FAAH2: variants seen among roughly 807,000 people sequenced by gnomAD.
FAAH2 encodes the protein fatty acid amide hydrolase 2, also known as fatty-acid amide hydrolase 2.
In FAAH2, 60 loss-of-function variants were observed where a neutral mutation model predicts 36.9. The ratio of observed to expected loss-of-function variants is 1.63; its 90% confidence interval spans 1.32 to 2.02. The LOEUF is 2.02. Ranked by LOEUF, FAAH2 falls within the 30% of genes most tolerant of loss-of-function variation. The probability of loss-of-function intolerance (pLI) is 0.00; values close to 1 mark genes in which losing one functional copy is unlikely to be tolerated. For missense variants in FAAH2, 689 were observed against 397.5 expected (o/e 1.73, Z -6.23); for synonymous variants, 214 against 143.8 (o/e 1.49, Z -3.49).
the FAAH2 span, among the ~76,000 whole-genome samples, chrX:57,211,523 G>A: frequency 8.9e-6 from 1 of 111,808 alleles, no homozygotes; most frequent in African/African-American, 3.3e-5. Flanking sequence ...TGGGACACCT[G>A]AGTACTTCTA....
chrX:57,462,645 G>A (rs1160903295), intron 10 of FAAH2, among the ~76,000 whole-genome samples: 1 of 112,366 alleles, frequency 8.9e-6, no homozygotes, highest in Non-Finnish European at 1.9e-5. Flanking sequence ...ACTAGGTATT[G>A]ATGGAACATA....
At chrX:57,480,457 G>T (rs1411661023) in intron 10 of FAAH2, among the ~76,000 whole-genome samples, 1 of 111,831 alleles carries the variant, frequency 8.9e-6, no homozygotes, top group Admixed American at 9.5e-5. Context: ...CTCAGTATTT[G>T]TTTGTCTTTG....
At chrX:57,408,938 C>G in intron 7 of FAAH2, among the ~76,000 whole-genome samples, 1 of 110,773 alleles carries the variant, frequency 9.0e-6, no homozygotes, top group Non-Finnish European at 1.9e-5. Context: ...CATTGTTAGA[C>G]GATTTTGTTA....
At chrX:57,479,039 C>T (rs1239522608) in intron 10 of FAAH2, among the ~76,000 whole-genome samples, 1 of 111,266 alleles carries the variant, frequency 9.0e-6, no homozygotes, top group Non-Finnish European at 1.9e-5. Context: ...ACATTGGTAG[C>T]TTGATGGGGA....
At chrX:57,168,622 A>G in the FAAH2 span, among the ~76,000 whole-genome samples, 1 of 111,581 alleles carries the variant, frequency 9.0e-6, no homozygotes, top group Non-Finnish European at 1.9e-5. Context: ...TTAATTGTTC[A>G]ATTTCAATAT....
At chrX:57,446,541 A>T (rs1398246501) in intron 8 of FAAH2, among the ~76,000 whole-genome samples, 2 of 111,980 alleles carry the variant, frequency 1.8e-5, no homozygotes, top group Non-Finnish European at 3.8e-5. Flanking sequence ...CGTCATTCCT[A>T]AAAGAGACCT....
the FAAH2 span, among the ~76,000 whole-genome samples, chrX:57,191,937 T>C: frequency 8.9e-6 from 1 of 111,881 alleles, no homozygotes; most frequent in South Asian, 3.7e-4. Context: ...TTCTTTTTGC[T>C]TAGGATAGGC....
chrX:57,441,221 A>C (rs1187651470), intron 8 of FAAH2, among the ~76,000 whole-genome samples: 1 of 111,202 alleles, frequency 9.0e-6, no homozygotes, highest in Non-Finnish European at 1.9e-5. Context: ...TTCGGCTATG[A>C]ATCTGTCTGG....
intron 10 of FAAH2, among the ~76,000 whole-genome samples, chrX:57,467,966 T>A (rs903474098): frequency 8.9e-6 from 1 of 111,910 alleles, no homozygotes; most frequent in Non-Finnish European, 1.9e-5. Context: ...ACAGCTTTCG[T>A]TGCTGATACC....
chrX:57,380,694 C>A (rs901568310), intron 6 of FAAH2, among the ~76,000 whole-genome samples: 5 of 112,136 alleles, frequency 4.5e-5, no homozygotes, highest in Non-Finnish European at 7.5e-5. Flanking sequence ...CTTGTCACCA[C>A]GTCTACAATT....
intron 10 of FAAH2, among the ~76,000 whole-genome samples, chrX:57,453,767 AC>A (rs35668891): frequency 1.8e-5 from 2 of 111,316 alleles, no homozygotes; most frequent in African/African-American, 6.5e-5. Flanking sequence ...AAGTGACCCC[AC>A]CCCATCCCAC....
At chrX:57,287,769 T>C (rs990012099) in intron 1 of FAAH2, among the ~76,000 whole-genome samples, 1 of 111,873 alleles carries the variant, frequency 8.9e-6, no homozygotes, top group Admixed American at 9.5e-5. Context: ...TGTTTATTTA[T>C]ACTCTGCTTG....
intron 8 of FAAH2, among the ~76,000 whole-genome samples, chrX:57,434,847 A>C (rs1346482026): frequency 9.0e-6 from 1 of 111,584 alleles, no homozygotes; most frequent in Non-Finnish European, 1.9e-5. Flanking sequence ...AAGTCAACAT[A>C]AAAGAAATAC....
rs1416528741 is a variant in FAAH2, at chrX:57,352,091, TGCAC to T, written c.742+10702_742+10705del. Reference sequence around the variant, plus strand: ...ACACATATATATATGTGTATATATATGCACATATATATATATGTGTATATATATG... The same window carrying T: ...ACACATATATATATGTGTATATATATATATATATATATGTGTATATATATG... On this transcript the variant is annotated intron_variant, in intron 5 of 10. Transcript: ENST00000374900. Among the ~76,000 whole-genome samples the T allele has an allele frequency of 5.2e-3, 125 of 23,827 alleles. 18 individuals are homozygous for T. Among genetic ancestry groups the T allele is most frequent in the Non-Finnish European group, 6.0e-3 (98 of 16,339 alleles). The allele number at this position is 23,827 out of a possible 115,157, so 20.7% of individuals were successfully genotyped here.
chrX:57,279,808 G>A, the FAAH2 span, among the ~76,000 whole-genome samples: 1 of 111,588 alleles, frequency 9.0e-6, no homozygotes, highest in Non-Finnish European at 1.9e-5. Context: ...CATGTTAAAA[G>A]TTCTCAACAA....
chrX:57,385,064 G>GAT (rs2054978556), intron 7 of FAAH2, among the ~76,000 whole-genome samples: 1 of 110,296 alleles, frequency 9.1e-6, no homozygotes, highest in Admixed American at 9.7e-5. Flanking sequence ...TTCACTCATA[G>GAT]GTGGGAATTG....
chrX:57,275,581 C>T, the FAAH2 span, among the ~76,000 whole-genome samples: 1 of 112,231 alleles, frequency 8.9e-6, no homozygotes, highest in African/African-American at 3.2e-5. Flanking sequence ...ACAATATTGA[C>T]CTTAAATGTA....
chrX:57,402,048 G>T (rs1321010254), intron 7 of FAAH2, among the ~76,000 whole-genome samples: 2 of 111,387 alleles, frequency 1.8e-5, no homozygotes, highest in African/African-American at 6.5e-5. Context: ...GACTGAGAAG[G>T]CTCTGCCAAT....
chrX:57,403,803 G>C (rs1205118458), intron 7 of FAAH2, among the ~76,000 whole-genome samples: 6 of 112,163 alleles, frequency 5.3e-5, no homozygotes, highest in Non-Finnish European at 7.5e-5. Context: ...TCCCTCCTAG[G>C]TCTGTTCAGA....
Sources: gnomAD v4.1 joint callset for allele counts (sites outside exome capture counted in the v4.1 genomes callset) on GRCh38, gnomAD v4.1.1 for gene constraint, MANE v1.5 for transcripts, NCBI Gene and HGNC (gene_info 2026-07-23, HGNC 2026-07-21) for gene names.